Variants in CAMKV observed in about 807,000 individuals in gnomAD.
The protein encoded by CAMKV is CaM kinase like vesicle associated, also known as caM kinase-like vesicle-associated protein.
CAMKV carries 5 observed loss-of-function variants against 50.2 expected under a neutral mutation model. That is an observed-to-expected ratio of 0.10 (90% CI 0.05 to 0.21). The LOEUF (loss-of-function observed/expected upper bound fraction) is 0.21. Ranked by LOEUF, CAMKV falls within the 10% of genes least tolerant of loss-of-function variation. The probability of loss-of-function intolerance (pLI) is 1.00; values close to 1 mark genes in which losing one functional copy is unlikely to be tolerated. For missense variants in CAMKV, 361 were observed against 650.5 expected (o/e 0.55, Z 4.84); for synonymous variants, 229 against 250.1 (o/e 0.92, Z 0.80).
chr3:49,866,403 C>T (rs953967557), intron 1 of CAMKV, among the ~76,000 whole-genome samples: 2 of 152,212 alleles, frequency 1.3e-5, no homozygotes, highest in African/African-American at 4.8e-5. Flanking sequence ...ATGGCCCAGA[C>T]CCAACACCCA....
At position 49,862,137 on chromosome 3, in the gene CAMKV, C is replaced by T. The variant is rs375960970; in HGVS notation, c.135G>A (p.Thr45=). 9.3e-6 allele frequency: 15 copies of T among 1,614,086 alleles called. No individual in the cohort carries two copies. The highest frequency in any genetic ancestry group is 4.0e-5 in the African/African-American group (3 of 74,932). ...FCEIFRAKDK[T]TGKLHTCKKF... ...TCTTGCAGGTGTGCAGCTTGCCTGT[C>T]GTCTTGTCCTTGGCCCGGAAGATTT... The change falls in exon 3 of 11, where the codon ACG becomes ACA. Residue 45 remains threonine (T), a synonymous_variant. Coordinates refer to ENST00000477224, the MANE Select transcript of CAMKV (RefSeq NM_024046.5). The surrounding 1 kb of genome is among the most constrained non-coding windows in gnomAD (Gnocchi z 5.2).
Position 49,859,814 on chromosome 3 carries a change from G to C in CAMKV, c.1010C>G (p.Ala337Gly), listed in dbSNP as rs1358119570. 5.8e-6 allele frequency: 9 copies of C among 1,544,744 alleles called. No individual in the cohort carries two copies. In the Admixed American group the frequency reaches 1.4e-4, roughly 25 times the overall value. The change falls in exon 11 of 11, where the codon GCC (alanine) becomes GGC (glycine). Residue 337 changes from alanine (A) to glycine (G), a missense_variant. Physicochemically the swap from Ala to Gly is moderately conservative, Grantham distance 60 (BLOSUM62 0). This residue lies in a region of CAMKV where 87 missense variants were observed against 92.0 expected (regional missense o/e 0.95). Coordinates refer to ENST00000477224, the MANE Select transcript of CAMKV (RefSeq NM_024046.5). This position sits in a 1 kb window ranked among gnomAD's most constrained non-coding sequence, Gnocchi z 5.5. ...RAPEQSSTAA[A>G]QSASATDTAT... ...AGTGTCTGTGGCTGAGGCCGACTGG[G>C]CTGCAGCCGTGCTGGACTGCTCTGG...
Position 49,859,486 on chromosome 3 carries a change from G to T in CAMKV, c.1338C>A (p.Thr446=), listed in dbSNP as rs533887928. 9 of 1,614,188 alleles carry T rather than the reference G, an allele frequency of 5.6e-6. No individual in the cohort carries two copies. Among genetic ancestry groups the T allele is most frequent in the Middle Eastern group, 1.7e-4 (1 of 6,060 alleles). The part of the protein sequence containing the change: ...PATEESTVPT[T]QSSAMLATKA... ...TGGTGGCCAGCATGGCACTGCTTTG[G>T]GTGGTGGGCACAGTGCTCTCTTCTG... Residue 446 remains threonine, a synonymous_variant, in exon 11 of 11, where the codon ACC becomes ACA. Coordinates refer to ENST00000477224, the MANE Select transcript of CAMKV (RefSeq NM_024046.5). This position sits in a 1 kb window ranked among gnomAD's most constrained non-coding sequence, Gnocchi z 5.5.
At chr3:49,864,436 C>T (rs934321426) in intron 1 of CAMKV, among the ~76,000 whole-genome samples, 35 of 152,304 alleles carry the variant, frequency 2.3e-4, no homozygotes, top group African/African-American at 8.4e-4. Flanking sequence ...GAGCGCTAGG[C>T]ACTCTTTCCA....
In CAMKV at chr3:49,862,517, AC is replaced by A; in HGVS notation, c.-14-116del. On this transcript the variant is annotated intron_variant, in intron 1 of 10. Coordinates refer to ENST00000477224, the MANE Select transcript of CAMKV (RefSeq NM_024046.5). This position sits in a 1 kb window ranked among gnomAD's most constrained non-coding sequence, Gnocchi z 5.2. ...AGGCCAAGCTAGGGGCAGAGACCAT[AC>A]CAGGAGGGGCTAGAGGATAGGCAGG... The A allele has an allele frequency of 1.2e-6, 1 of 834,068 alleles. No individual in the cohort carries two copies. Among genetic ancestry groups the A allele is most frequent in the Non-Finnish European group, 2.0e-6 (1 of 497,876 alleles). The allele number at this position is 834,068 out of a possible 1,614,324, so 51.7% of individuals were successfully genotyped here. A position where few individuals can be genotyped will look rare whatever the true frequency, so the allele number is the denominator to read the frequency against.
chr3:49,865,283 A>G (rs1157363343), intron 1 of CAMKV, among the ~76,000 whole-genome samples: 1 of 151,966 alleles, frequency 6.6e-6, no homozygotes, highest in Non-Finnish European at 1.5e-5. Flanking sequence ...CCGGCTACAC[A>G]TTTTCACACC....
intron 1 of CAMKV, chr3:49,863,649 A>G (rs1202059594): frequency 6.6e-6 from 1 of 151,796 alleles, no homozygotes; most frequent in Non-Finnish European, 1.5e-5. Context: ...AGGCACCCGC[A>G]CCATGCCCAG....
Position 49,860,123 on chromosome 3 carries a change from G to A in CAMKV, c.942+48C>T. The A allele has an allele frequency of 6.5e-7, 1 of 1,526,926 alleles. No homozygotes were observed. Among genetic ancestry groups the A allele is most frequent in the Non-Finnish European group, 9.1e-7 (1 of 1,100,974 alleles). The allele number at this position is 1,526,926 out of a possible 1,614,324, so 94.6% of individuals were successfully genotyped here. A position where few individuals can be genotyped will look rare whatever the true frequency, so the allele number is the denominator to read the frequency against. ...GATGCAGGCAAGAAACTGAGTGCCAGAAGCAATACTTGGGATAGAGCCAAG... is the reference window on the plus strand; with the variant it reads ...GATGCAGGCAAGAAACTGAGTGCCAAAAGCAATACTTGGGATAGAGCCAAG... On this transcript the variant is annotated intron_variant, in intron 10 of 10. Coordinates refer to ENST00000477224, the MANE Select transcript of CAMKV (RefSeq NM_024046.5). The surrounding 1 kb of genome is among the most constrained non-coding windows in gnomAD (Gnocchi z 6.1).
At chr3:49,863,585 C>G (rs1304470436) in intron 1 of CAMKV, 2 of 152,262 alleles carry the variant, frequency 1.3e-5, no homozygotes, top group Non-Finnish European at 2.9e-5. Flanking sequence ...GCATAGCGCA[C>G]TGCAGCCCAG....
Position 49,861,171 on chromosome 3 carries a change from C to A in CAMKV, c.562+9G>T, listed in dbSNP as rs1447367607. The A allele has an allele frequency of 6.2e-7, 1 of 1,611,436 alleles. No individual in the cohort carries two copies. Among genetic ancestry groups the A allele is most frequent in the African/African-American group, 1.3e-5 (1 of 74,982 alleles). On this transcript the variant is annotated intron_variant, in intron 6 of 10. Transcript: ENST00000477224. This position sits in a 1 kb window ranked among gnomAD's most constrained non-coding sequence, Gnocchi z 7.7. ...TTATCCCCCTGCCCCTGCCCCACCC[C>A]CTGCTTGCCCAGATACTCGGGGGTC... is the stretch of plus-strand genomic sequence containing the variant.
chr3:49,860,816 T>C lies in CAMKV; in HGVS notation c.675A>G (p.Glu225=), dbSNP rs1427343560. ...TATCATGGTTCTCATAATCATCTTC[T>C]TCCACCTCCTCATAGAAAGGTGGAT... The part of the protein sequence containing the change: ...SGNPPFYEEV[E]EDDYENHDKN... Residue 225 remains glutamate, a synonymous_variant, in exon 8 of 11, where the codon GAA becomes GAG. Transcript: ENST00000477224. The surrounding 1 kb of genome is among the most constrained non-coding windows in gnomAD (Gnocchi z 6.1). 6.2e-7 allele frequency: 1 copy of C among 1,614,142 alleles called. No individual in the cohort carries two copies. The highest frequency in any genetic ancestry group is 8.5e-7 in the Non-Finnish European group (1 of 1,180,024).
chr3:49,866,147 C>A (rs1014702191), intron 1 of CAMKV, among the ~76,000 whole-genome samples: 1 of 152,080 alleles, frequency 6.6e-6, no homozygotes, highest in Non-Finnish European at 1.5e-5. Flanking sequence ...TGGCTTGGGG[C>A]CCTGGACTTG....
chr3:49,863,127 A>C (rs933347110), intron 1 of CAMKV, among the ~76,000 whole-genome samples: 1 of 152,256 alleles, frequency 6.6e-6, no homozygotes, highest in Non-Finnish European at 1.5e-5. Flanking sequence ...ACACAGTGTT[A>C]AGTGCAAAAA....
rs777241750 is a variant in CAMKV, at chr3:49,861,211, G to A, written c.531C>T (p.Ile177=). The A allele has an allele frequency of 2.5e-6, 4 of 1,613,646 alleles. No individual in the cohort carries two copies. In the Admixed American group the frequency reaches 5.0e-5, roughly 20 times the overall value. The change falls in exon 6 of 11, where the codon ATC becomes ATT. Residue 177 remains isoleucine (I), a synonymous_variant. Transcript: ENST00000477224. This position sits in a 1 kb window ranked among gnomAD's most constrained non-coding sequence, Gnocchi z 7.7. ...ACTCGGGGGTCCCACAGGGCTCCTT[G>A]ATGAGGCCATTTTCTAGCTTAGCCA... ...FHLAKLENGL[I]KEPCGTPEYL... is the part of the protein sequence containing the mutation.
At position 49,861,381 on chromosome 3, in the gene CAMKV, C is replaced by T. The variant is rs2082019900; in HGVS notation, c.441+58G>A. 6.2e-7 allele frequency: 1 copy of T among 1,612,650 alleles called. No homozygotes were observed. Among genetic ancestry groups the T allele is most frequent in the Non-Finnish European group, 8.5e-7 (1 of 1,178,966 alleles). ...GCTAGACCAAGGCCCTGAGGTGCTG[C>T]CCACCCCAGCACCAGCCCAGCTGCC... On this transcript the variant is annotated intron_variant, in intron 5 of 10. Coordinates refer to ENST00000477224, the MANE Select transcript of CAMKV (RefSeq NM_024046.5). The surrounding 1 kb of genome is among the most constrained non-coding windows in gnomAD (Gnocchi z 7.7).
chr3:49,866,292 G>T (rs368912589), intron 1 of CAMKV, among the ~76,000 whole-genome samples: 144 of 152,284 alleles, frequency 9.5e-4, no homozygotes, highest in African/African-American at 3.4e-3. Context: ...ACCAAGCCCT[G>T]GGCACCTGCT....
Position 49,861,762 on chromosome 3 carries a change from G to C in CAMKV, c.302+29C>G. ...ACAGGTGAAAGCCCTGGGCGCTGGGGAATCTTGGGTCCCCAGACCCACACT... is the reference window on the plus strand; with the variant it reads ...ACAGGTGAAAGCCCTGGGCGCTGGGCAATCTTGGGTCCCCAGACCCACACT... On this transcript the variant is annotated intron_variant, in intron 4 of 10. Coordinates refer to ENST00000477224, the MANE Select transcript of CAMKV (RefSeq NM_024046.5). This position sits in a 1 kb window ranked among gnomAD's most constrained non-coding sequence, Gnocchi z 7.7. The C allele has an allele frequency of 3.1e-6, 5 of 1,611,590 alleles. No homozygotes were observed. Among genetic ancestry groups the C allele is most frequent in the Non-Finnish European group, 4.2e-6 (5 of 1,178,014 alleles).
rs951628788 is a variant in CAMKV, at chr3:49,861,654, G to A, written c.303-77C>T. The A allele has an allele frequency of 1.3e-5, 21 of 1,598,840 alleles. No individual in the cohort carries two copies. Among genetic ancestry groups the A allele is most frequent in the African/African-American group, 4.0e-5 (3 of 74,554 alleles). ...AGGAGCACTTGGGTGAGCTGCCTAC[G>A]CCAGGCAGCTGGCTGAGCAAGGCAC... is the stretch of plus-strand genomic sequence containing the variant. On this transcript the variant is annotated intron_variant, in intron 4 of 10. Coordinates refer to ENST00000477224, the MANE Select transcript of CAMKV (RefSeq NM_024046.5). This position sits in a 1 kb window ranked among gnomAD's most constrained non-coding sequence, Gnocchi z 7.7.
At position 49,861,820 on chromosome 3, in the gene CAMKV, G is replaced by A. The variant is rs868454110; in HGVS notation, c.273C>T (p.Thr91=). ...CCAGGAAGATAAAGTACTCCTTGCGGGTCACAAACACATCCACCAGCTGTA... is the reference window on the plus strand; with the variant it reads ...CCAGGAAGATAAAGTACTCCTTGCGAGTCACAAACACATCCACCAGCTGTA... ...NILQLVDVFV[T]RKEYFIFLEL... The change falls in exon 4 of 11, where the codon ACC becomes ACT. Residue 91 remains threonine (T), a synonymous_variant. Transcript: ENST00000477224. This position sits in a 1 kb window ranked among gnomAD's most constrained non-coding sequence, Gnocchi z 7.7. The A allele has an allele frequency of 1.2e-6, 2 of 1,613,794 alleles. No individual in the cohort carries two copies. The highest frequency in any genetic ancestry group is 2.7e-5 in the African/African-American group (2 of 74,930).
Sources: allele counts gnomAD v4.1 joint callset (sites outside exome capture counted in the v4.1 genomes callset), GRCh38; gene constraint gnomAD v4.1.1; regional missense constraint gnomAD v4.1.1; non-coding constraint Gnocchi (gnomAD v3.1); transcripts MANE v1.5; gene names NCBI Gene and HGNC (gene_info 2026-07-23, HGNC 2026-07-21).